The following ACTR3C variants were observed in gnomAD, a reference collection of about 807,000 sequenced individuals.
ACTR3C encodes actin-related protein 3C.
ACTR3C carries 18 observed loss-of-function variants against 26.3 expected under a neutral mutation model. The ratio of observed to expected loss-of-function variants is 0.68; its 90% CI spans 0.47 to 1.01. The LOEUF is 1.01. Among genes scored for constraint, ACTR3C ranks in the 50% least tolerant of loss-of-function variants. The pLI, the probability that ACTR3C is intolerant of heterozygous loss-of-function variation, is 0.00. For missense variants in ACTR3C, 184 were observed against 250.7 expected (o/e 0.73, Z 1.80); for synonymous variants, 55 against 94.5 (o/e 0.58, Z 2.42).
the ACTR3C span, among the ~76,000 whole-genome samples, chr7:150,104,806 G>A: frequency 2.0e-5 from 3 of 151,994 alleles, no homozygotes; most frequent in African/African-American, 4.8e-5. Context: ...TGATCACTGT[G>A]GCCTAAGTCT....
chr7:150,287,414 C>T (rs1211374417), intron 4 of ACTR3C, among the ~76,000 whole-genome samples: 7 of 152,176 alleles, frequency 4.6e-5, no homozygotes, highest in East Asian at 1.9e-4. Flanking sequence ...CACCCTGCAC[C>T]GACAGGCAGC....
At chr7:150,040,421 T>A in the ACTR3C span, 1 of 148,412 alleles carries the variant, frequency 6.7e-6, no homozygotes, top group Non-Finnish European at 1.5e-5. Flanking sequence ...AAAGACTTGC[T>A]GTTGTCGGGA....
chr7:150,136,226 T>C, the ACTR3C span, among the ~76,000 whole-genome samples: 5,547 of 152,228 alleles, frequency 0.036, 228 homozygotes, highest in African/African-American at 0.11. Context: ...CCCAGGTAGA[T>C]GGCCGGTGCT....
At chr7:150,263,754 C>T (rs1324651761) in intron 6 of ACTR3C, among the ~76,000 whole-genome samples, 3 of 152,154 alleles carry the variant, frequency 2.0e-5, no homozygotes, top group African/African-American at 7.2e-5. Context: ...AGAATATCTG[C>T]AAAGAAATGA....
the ACTR3C span, among the ~76,000 whole-genome samples, chr7:149,883,602 T>C: frequency 6.6e-6 from 1 of 152,162 alleles, no homozygotes; most frequent in Non-Finnish European, 1.5e-5. Flanking sequence ...GGGCAGCGCC[T>C]GCGTGCAGGA....
the ACTR3C span, among the ~76,000 whole-genome samples, chr7:150,121,530 G>A: frequency 6.1e-5 from 9 of 148,184 alleles, no homozygotes; most frequent in Non-Finnish European, 1.0e-4. Context: ...GACAAGGGGT[G>A]TGAAGGACCT....
At chr7:150,243,045 T>C (rs1394164269), downstream of ACTR3C, among the ~76,000 whole-genome samples, 1 of 151,752 alleles carries the variant, frequency 6.6e-6, no homozygotes, top group Admixed American at 6.6e-5. Flanking sequence ...ACTTACTGTA[T>C]GAGAGTTATT....
At chr7:150,026,933 C>T in the ACTR3C span, among the ~76,000 whole-genome samples, 2 of 152,058 alleles carry the variant, frequency 1.3e-5, no homozygotes, top group Non-Finnish European at 2.9e-5. Context: ...TGTATCACAA[C>T]TATCTTCTGA....
At chr7:150,049,053 G>C in the ACTR3C span, among the ~76,000 whole-genome samples, 1 of 152,024 alleles carries the variant, frequency 6.6e-6, no homozygotes, top group Non-Finnish European at 1.5e-5. Context: ...CACTGTGCCC[G>C]CCGAGAGCGA....
the ACTR3C span, among the ~76,000 whole-genome samples, chr7:150,203,283 A>G: frequency 6.6e-6 from 1 of 152,220 alleles, no homozygotes; most frequent in Non-Finnish European, 1.5e-5. Flanking sequence ...AGGATAAGTC[A>G]TTCAAGGGTT....
At chr7:150,111,151 C>T in the ACTR3C span, among the ~76,000 whole-genome samples, 3 of 140,630 alleles carry the variant, frequency 2.1e-5, no homozygotes, top group African/African-American at 8.4e-5. Context: ...CTCTCAAGCT[C>T]ATTCTGGGGC....
chr7:150,259,971 T>A (rs1833523849), intron 6 of ACTR3C, among the ~76,000 whole-genome samples: 1 of 152,220 alleles, frequency 6.6e-6, no homozygotes, highest in Non-Finnish European at 1.5e-5. Context: ...ATAGGGAATT[T>A]TTGACCTTTT....
chr7:150,042,451 C>A, the ACTR3C span, among the ~76,000 whole-genome samples: 13 of 144,782 alleles, frequency 9.0e-5, no homozygotes, highest in East Asian at 2.1e-4. Context: ...GATGAGGGTG[C>A]AAAGAGCCAG....
chr7:149,895,281 C>T, the ACTR3C span, among the ~76,000 whole-genome samples: 12 of 151,938 alleles, frequency 7.9e-5, no homozygotes, highest in East Asian at 3.9e-4. Flanking sequence ...TCAAAAAATA[C>T]GTAACTACAG....
the ACTR3C span, among the ~76,000 whole-genome samples, chr7:149,993,927 C>T: frequency 1.3e-5 from 2 of 152,142 alleles, no homozygotes; most frequent in South Asian, 2.1e-4. Flanking sequence ...CCATAAAATC[C>T]TGTGGATGGC....
chr7:150,036,872 T>C, the ACTR3C span, among the ~76,000 whole-genome samples: 3 of 93,278 alleles, frequency 3.2e-5, no homozygotes, highest in African/African-American at 7.8e-5. Flanking sequence ...CAGGGGGGGA[T>C]GAGGGTCTGG....
the ACTR3C span, among the ~76,000 whole-genome samples, chr7:149,895,058 T>TA: frequency 5.1e-3 from 756 of 146,940 alleles, 16 homozygotes; most frequent in African/African-American, 0.016. Context: ...TTCAGCCATT[T>TA]AAAAAAAAAA....
chr7:150,244,056 T>C (rs192133882), downstream of ACTR3C: 5 of 151,852 alleles, frequency 3.3e-5, no homozygotes, highest in East Asian at 9.7e-4. Flanking sequence ...GATGTAGTCA[T>C]TCAGTATTCA....
Position 150,284,758 on chromosome 7 carries a change from A to G in ACTR3C, c.559T>C (p.Tyr187His), listed in dbSNP as rs756166521. The G allele has an allele frequency of 6.2e-7, 1 of 1,612,036 alleles. No homozygotes were observed. Among genetic ancestry groups the G allele is most frequent in the Non-Finnish European group, 8.5e-7 (1 of 1,179,238 alleles). The change falls in exon 6 of 8, where the codon TAT becomes CAT. Residue 187 changes from tyrosine to histidine, a missense_variant. Coordinates refer to ENST00000683684, the MANE Select transcript of ACTR3C (RefSeq NM_001164458.2). ...NCPIDVRRPLYKMEQIPLSYP... is the reference protein window; with the variant it reads ...NCPIDVRRPLHKMEQIPLSYP... The stretch of plus-strand genomic sequence containing the variant: ...CTTACCCATGCAGCTCATACCTTAT[A>G]CAGCGGACGCCGCACATCGATGGGG...
Sources: allele counts gnomAD v4.1 joint callset (sites outside exome capture counted in the v4.1 genomes callset), GRCh38; gene constraint gnomAD v4.1.1; transcripts MANE v1.5; gene names NCBI Gene and HGNC (gene_info 2026-07-23, HGNC 2026-07-21).